The following MALRD1 variants were observed in gnomAD, a reference collection of about 807,000 sequenced individuals.
The protein encoded by MALRD1 is MAM and LDL-receptor class A domain-containing protein 1.
A neutral mutation model predicts 242.1 loss-of-function variants in MALRD1; 247 were observed. The ratio of observed to expected loss-of-function variants is 1.02; its 90% CI spans 0.92 to 1.13. MALRD1 has a LOEUF of 1.13. Ranked by LOEUF, MALRD1 falls within the 50% of genes most tolerant of loss-of-function variation. MALRD1 has a pLI of 0.00. For synonymous variants in MALRD1, 995 were observed against 866.6 expected, an observed-to-expected ratio of 1.15 and a Z score of -2.60; for missense variants, 2,989 against 2,533.1, an observed-to-expected ratio of 1.18 and a Z score of -3.86.
chr10:19,140,345 G>A (rs1833494848), intron 10 of MALRD1, among the ~76,000 whole-genome samples: 1 of 152,126 alleles, frequency 6.6e-6, no homozygotes, highest in East Asian at 1.9e-4. Context: ...TTTAACTGAT[G>A]AACTGTGAGT....
chr10:19,276,316 A>T (rs114155677), intron 19 of MALRD1, among the ~76,000 whole-genome samples: 13 of 151,858 alleles, frequency 8.6e-5, no homozygotes, highest in African/African-American at 3.1e-4. Flanking sequence ...ATATATTTTC[A>T]GTAAAATTAT....
At chr10:19,319,700 G>A (rs575335236) in intron 21 of MALRD1, among the ~76,000 whole-genome samples, 2 of 151,912 alleles carry the variant, frequency 1.3e-5, no homozygotes, top group African/African-American at 4.8e-5. Context: ...TTCCTCACGC[G>A]GTAGAAGGGA....
At chr10:19,672,091 T>A (rs559662798) in intron 36 of MALRD1, among the ~76,000 whole-genome samples, 7 of 152,194 alleles carry the variant, frequency 4.6e-5, no homozygotes, top group African/African-American at 1.4e-4. Flanking sequence ...TTGTTAGCCA[T>A]GCCACCCTAT....
intron 28 of MALRD1, among the ~76,000 whole-genome samples, chr10:19,425,584 G>T (rs1833875042): frequency 6.6e-6 from 1 of 152,066 alleles, no homozygotes; most frequent in Non-Finnish European, 1.5e-5. Flanking sequence ...TGTTCTCGAT[G>T]GGCTGCAGAG....
intron 38 of MALRD1, among the ~76,000 whole-genome samples, chr10:19,725,996 A>G (rs1835007236): frequency 6.6e-6 from 1 of 152,222 alleles, no homozygotes. Flanking sequence ...AATGCATTTA[A>G]AAGAAAACAT....
intron 36 of MALRD1, among the ~76,000 whole-genome samples, chr10:19,687,962 T>C (rs559579358): frequency 6.8e-6 from 1 of 147,178 alleles, no homozygotes; most frequent in African/African-American, 2.5e-5. Flanking sequence ...TGTTATGTTA[T>C]GTTATGTTAT....
chr10:19,699,184 T>C (rs1241061328), intron 38 of MALRD1, among the ~76,000 whole-genome samples: 2 of 149,988 alleles, frequency 1.3e-5, no homozygotes, highest in Non-Finnish European at 2.9e-5. Flanking sequence ...GTTCTGCAGA[T>C]GTATCCCAGA....
intron 38 of MALRD1, among the ~76,000 whole-genome samples, chr10:19,717,601 G>A (rs971380421): frequency 6.6e-5 from 10 of 152,136 alleles, no homozygotes; most frequent in Non-Finnish European, 1.5e-4. Context: ...TATTATTAAT[G>A]CGAAAATTAG....
rs575395748 is a variant in MALRD1 at position 19,558,450 on chromosome 10, T to C, written c.5479-9052T>C. Among the ~76,000 whole-genome samples, 7 of 152,312 alleles carry C rather than the reference T, an allele frequency of 4.6e-5. No individual in the cohort carries two copies. In the South Asian group the frequency reaches 1.4e-3, roughly 32 times the overall value. ...CCTAACAGTTGTCATCATGAATGGG[T>C]ATTGCTTTTCATCATATTCTTTTCT... is the stretch of plus-strand genomic sequence containing the variant. On this transcript the variant is annotated intron_variant, in intron 32 of 39. Coordinates refer to ENST00000454679, the MANE Select transcript of MALRD1 (RefSeq NM_001142308.3).
At chr10:19,496,008 C>T (rs944269900) in intron 30 of MALRD1, among the ~76,000 whole-genome samples, 12 of 152,190 alleles carry the variant, frequency 7.9e-5, no homozygotes, top group Admixed American at 2.0e-4. Flanking sequence ...TTCAATTCAA[C>T]AAGAAGACCT....
chr10:19,584,289 C>G (rs1194606250), intron 33 of MALRD1, among the ~76,000 whole-genome samples: 1 of 152,038 alleles, frequency 6.6e-6, no homozygotes, highest in East Asian at 1.9e-4. Context: ...TTTGCTCTTG[C>G]TTTTCTAGTT....
rs917036988 is a variant in MALRD1, at chr10:19,318,517, T to G, written c.3420-5432T>G. Among the ~76,000 whole-genome samples the G allele has an allele frequency of 1.0e-4, 14 of 137,376 alleles. No individual in the cohort carries two copies. The East Asian group carries it at 1.1e-3, about 10-fold the overall frequency. The allele number at this position is 137,376 out of a possible 152,430, so 90.1% of individuals were successfully genotyped here. A position where few individuals can be genotyped will look rare whatever the true frequency, so the allele number is the denominator to read the frequency against. ...AAATTATACCTTGGTTACCTTAGGG[T>G]TTTTTTTTTTTATTATTTGTGTAGT... On this transcript the variant is annotated intron_variant, in intron 21 of 39. Coordinates refer to ENST00000454679, the MANE Select transcript of MALRD1 (RefSeq NM_001142308.3).
intron 21 of MALRD1, among the ~76,000 whole-genome samples, chr10:19,296,297 G>T (rs575211850): frequency 3.1e-4 from 47 of 152,160 alleles, no homozygotes; most frequent in Admixed American, 5.9e-4. Context: ...TCCTCTGCCA[G>T]AATTACAGTC....
intron 14 of MALRD1, among the ~76,000 whole-genome samples, chr10:19,177,203 C>T (rs1216545567): frequency 4.0e-5 from 6 of 148,904 alleles, no homozygotes; most frequent in Non-Finnish European, 7.4e-5. Context: ...TGGCGTGAAC[C>T]GAAGAGGCGG....
chr10:19,372,540 C>T (rs1054170790), intron 26 of MALRD1, among the ~76,000 whole-genome samples: 4 of 151,726 alleles, frequency 2.6e-5, no homozygotes, highest in East Asian at 1.9e-4. Context: ...GCAATCTCGG[C>T]TCACTGCAAC....
chr10:19,546,396 A>T (rs900861654), intron 32 of MALRD1, among the ~76,000 whole-genome samples: 2 of 152,190 alleles, frequency 1.3e-5, no homozygotes. Context: ...GGGACATTGC[A>T]TCATTTCTCT....
chr10:19,602,591 A>G (rs1448182685), intron 34 of MALRD1, among the ~76,000 whole-genome samples: 2 of 151,838 alleles, frequency 1.3e-5, no homozygotes, highest in Non-Finnish European at 1.5e-5. Context: ...AATCCAGTCT[A>G]TCATTGTTGG....
At position 19,387,562 on chromosome 10, in the gene MALRD1, T is replaced by G. The variant is rs1846137209; in HGVS notation, c.4476T>G (p.Asn1492Lys). ...CACTTGGCTATAGGGAATGTCATAATGGAAAATGCTATAGGCTGGAACAAA... is the reference window on the plus strand; with the variant it reads ...CACTTGGCTATAGGGAATGTCATAAGGGAAAATGCTATAGGCTGGAACAAA... Reference protein sequence around the residue: ...FCPLGYRECHNGKCYRLEQSC... With the variant: ...FCPLGYRECHKGKCYRLEQSC... Residue 1492 changes from asparagine to lysine, a missense_variant, in exon 27 of 40, where the codon AAT (asparagine) becomes AAG (lysine). By Grantham distance (94) the Asn-to-Lys change is moderately conservative (BLOSUM62 0). Coordinates refer to ENST00000454679, the MANE Select transcript of MALRD1 (RefSeq NM_001142308.3). 4.5e-6 allele frequency: 7 copies of G among 1,550,342 alleles called. No individual in the cohort carries two copies. The highest frequency in any genetic ancestry group is 6.1e-6 in the Non-Finnish European group (7 of 1,146,876).
chr10:19,341,766 T>C (rs986480664), intron 24 of MALRD1, among the ~76,000 whole-genome samples: 5 of 152,026 alleles, frequency 3.3e-5, no homozygotes, highest in Non-Finnish European at 4.4e-5. Flanking sequence ...CGATATGCGA[T>C]GTAACTGAAG....
Sources: allele counts gnomAD v4.1 joint callset (sites outside exome capture counted in the v4.1 genomes callset), GRCh38; gene constraint gnomAD v4.1.1; transcripts MANE v1.5; gene names NCBI Gene and HGNC (gene_info 2026-07-23, HGNC 2026-07-21).